The following FYB1 variants were observed in gnomAD, a reference collection of about 807,000 sequenced individuals.
FYB1 encodes FYN-binding protein 1.
Under a neutral mutation model 94.1 loss-of-function variants are expected in FYB1, and 41 were observed. That is an observed-to-expected ratio of 0.44 (90% confidence interval 0.34 to 0.57). FYB1 has a LOEUF of 0.57. Among genes scored for constraint, FYB1 ranks in the 20% least tolerant of loss-of-function variants. The probability of loss-of-function intolerance (pLI) is 0.02; values close to 1 mark genes in which losing one functional copy is unlikely to be tolerated. For synonymous variants in FYB1, 367 were observed against 353.2 expected (o/e 1.04, Z -0.44); for missense variants, 1,050 against 976.8 (o/e 1.07, Z -1.00).
intron 2 of FYB1, among the ~76,000 whole-genome samples, chr5:39,166,191 CT>C (rs1372034654): frequency 1.3e-5 from 2 of 152,176 alleles, no homozygotes; most frequent in African/African-American, 4.8e-5. Flanking sequence ...AATCCCAGCA[CT>C]TTGGGAGGCT....
At chr5:39,239,392 T>C (rs965198092) in intron 1 of FYB1, among the ~76,000 whole-genome samples, 2 of 152,178 alleles carry the variant, frequency 1.3e-5, no homozygotes, top group African/African-American at 4.8e-5. Flanking sequence ...GCAGATGATA[T>C]GATTGTACAA....
At chr5:39,263,131 G>C (rs1342602835) in intron 1 of FYB1, among the ~76,000 whole-genome samples, 1 of 151,250 alleles carries the variant, frequency 6.6e-6, no homozygotes, top group East Asian at 1.9e-4. Flanking sequence ...AGAAAAGAAA[G>C]GGCGGATGGA....
chr5:39,215,619 A>G (rs932556397), intron 1 of FYB1, among the ~76,000 whole-genome samples: 1 of 152,238 alleles, frequency 6.6e-6, no homozygotes, highest in African/African-American at 2.4e-5. Context: ...ATTAAAAACC[A>G]GTGGAATCCT....
rs764303998 is a variant in FYB1, at chr5:39,202,480, T to C, written c.481A>G (p.Thr161Ala). The part of the protein sequence containing the change: ...LGPKSGPTPP[T>A]SENEQKQAFP... ...GCTTGCTTCTGTTCATTTTCTGAGG[T>C]TGGAGGAGTAGGCCCAGATTTCGGG... Residue 161 changes from threonine to alanine, a missense_variant, in exon 2 of 19, where the codon ACC becomes GCC. By Grantham distance (58) the Thr-to-Ala change is moderately conservative. Transcript: ENST00000512982. 14 of 1,613,736 alleles carry C rather than the reference T, an allele frequency of 8.7e-6. No homozygotes were observed. The African/African-American group carries it at 1.7e-4, about 20-fold the overall frequency.
intron 16 of FYB1, among the ~76,000 whole-genome samples, 189 bp downstream of exon 16, chr5:39,118,683 AAG>A (rs1470581328): frequency 6.6e-6 from 1 of 152,198 alleles, no homozygotes; most frequent in African/African-American, 2.4e-5. Context: ...GGTAAATAAA[AAG>A]AGATTAAAAT....
intron 2 of FYB1, among the ~76,000 whole-genome samples, chr5:39,176,629 C>A (rs867723685): frequency 2.4e-4 from 36 of 152,260 alleles, no homozygotes; most frequent in Admixed American, 9.8e-4. Flanking sequence ...ACTGGTGTTT[C>A]TTTAAAAGTG....
intron 2 of FYB1, among the ~76,000 whole-genome samples, chr5:39,173,077 A>C (rs993825791): frequency 2.6e-5 from 4 of 152,160 alleles, no homozygotes; most frequent in African/African-American, 9.7e-5. Context: ...ACAATTTATA[A>C]GTGCTCCCTT....
chr5:39,117,735 T>A (rs1175524735), intron 16 of FYB1, among the ~76,000 whole-genome samples: 1 of 152,182 alleles, frequency 6.6e-6, no homozygotes, highest in Non-Finnish European at 1.5e-5. Context: ...ATGTTTTCCA[T>A]GCAGATTGAC....
chr5:39,150,379 G>A (rs1270932193), intron 3 of FYB1, among the ~76,000 whole-genome samples: 1 of 152,202 alleles, frequency 6.6e-6, no homozygotes, highest in Admixed American at 6.5e-5. Context: ...TACAAGGAAA[G>A]TAACTTTGAA....
chr5:39,183,233 G>A (rs911430676), intron 2 of FYB1, among the ~76,000 whole-genome samples: 18 of 152,052 alleles, frequency 1.2e-4, no homozygotes, highest in Admixed American at 1.3e-4. Context: ...TGATCCACCT[G>A]TCTCGGCCTC....
rs769200114 is a variant in FYB1, at chr5:39,127,811, C to T, written c.1841-4G>A. 5.0e-6 allele frequency: 8 copies of T among 1,596,110 alleles called. No individual in the cohort carries two copies. The Admixed American group carries it at 8.8e-5, about 18-fold the overall frequency. ...TCTGGTGGTGGAGGGAATATCCCTT[C>T]ATTTGGATTGGAGGAAAATCTTCTG... On this transcript the variant is annotated splice_polypyrimidine_tract_variant and splice_region_variant and intron_variant, in intron 10 of 18. Transcript: ENST00000512982.
chr5:39,212,806 C>A (rs115394451), intron 1 of FYB1: 1 of 152,168 alleles, frequency 6.6e-6, no homozygotes, highest in South Asian at 2.1e-4. Flanking sequence ...TTCCCAGGCA[C>A]GCTTCTCTTT....
chr5:39,118,847 C>T (rs1488754363), intron 16 of FYB1, 27 bp downstream of exon 16: 3 of 1,375,122 alleles, frequency 2.2e-6, no homozygotes, highest in Admixed American at 5.0e-5. Context: ...TATATATGCA[C>T]ATATTATAGT....
At chr5:39,273,553 GATAAACCT>G (rs998442825) in intron 1 of FYB1, among the ~76,000 whole-genome samples, 5 of 152,216 alleles carry the variant, frequency 3.3e-5, no homozygotes, top group African/African-American at 1.2e-4. Flanking sequence ...ATCTGAAAAT[GATAAACCT>G]ATGTTTTCGC....
rs934324436 is a variant in FYB1, at chr5:39,127,598, T to C, written c.1907+143A>G. ...TGAAATTACACTTCCTGGTTTACAATTGCTGTTAATTAAACATTCAAATCA... is the reference window on the plus strand; with the variant it reads ...TGAAATTACACTTCCTGGTTTACAACTGCTGTTAATTAAACATTCAAATCA... On this transcript the variant is annotated intron_variant, in intron 11 of 18. Transcript: ENST00000512982. 62 of 870,284 alleles carry C rather than the reference T, an allele frequency of 7.1e-5. 2 individuals are homozygous for C. The South Asian group carries it at 1.4e-3, about 20-fold the overall frequency. The allele number at this position is 870,284 out of a possible 1,614,324, so 53.9% of individuals were successfully genotyped here.
At chr5:39,164,773 A>G (rs1295113224) in intron 2 of FYB1, among the ~76,000 whole-genome samples, 2 of 152,214 alleles carry the variant, frequency 1.3e-5, no homozygotes, top group African/African-American at 4.8e-5. Context: ...AAAGCCTCGC[A>G]AAGAAATTTT....
At chr5:39,242,419 T>C (rs1374607699) in intron 1 of FYB1, among the ~76,000 whole-genome samples, 10 of 152,082 alleles carry the variant, frequency 6.6e-5, no homozygotes, top group African/African-American at 2.4e-4. Context: ...CATAATTTGT[T>C]GAGAATGATG....
chr5:39,207,327 A>G (rs1748952464), intron 1 of FYB1, among the ~76,000 whole-genome samples: 1 of 152,198 alleles, frequency 6.6e-6, no homozygotes, highest in South Asian at 2.1e-4. Flanking sequence ...TCTTCATAGA[A>G]ATTAATTTCC....
At position 39,250,204 on chromosome 5, in the gene FYB1, G is replaced by A. The variant is rs534120186; in HGVS notation, c.-28+24199C>T. ...TCTCGGCAGTTCTTTATGGCAGTGTGAGAATGGACTAATACAGGAGCTAAA... is the reference window on the plus strand; with the variant it reads ...TCTCGGCAGTTCTTTATGGCAGTGTAAGAATGGACTAATACAGGAGCTAAA... On this transcript the variant is annotated intron_variant, in intron 1 of 1. Transcript: ENST00000510188. Among the ~76,000 whole-genome samples, 79 of 152,324 alleles carry A rather than the reference G, an allele frequency of 5.2e-4. 2 individuals are homozygous for A. Among genetic ancestry groups the A allele is most frequent in the African/African-American group, 1.9e-3 (78 of 41,572 alleles).
Sources: gnomAD v4.1 joint callset for allele counts (sites outside exome capture counted in the v4.1 genomes callset) on GRCh38, gnomAD v4.1.1 for gene constraint, MANE v1.5 for transcripts, NCBI Gene and HGNC (gene_info 2026-07-23, HGNC 2026-07-21) for gene names.